STIMATE: variants seen among roughly 807,000 people sequenced by gnomAD.
The protein encoded by STIMATE is STIM activating enhancer.
Under a neutral mutation model 36.7 loss-of-function variants are expected in STIMATE, and 15 were observed. The ratio of observed to expected loss-of-function variants is 0.41; its 90% CI spans 0.27 to 0.63. The LOEUF (loss-of-function observed/expected upper bound fraction) is 0.63, where lower values mean the gene tolerates loss of function less well. Among genes scored for constraint, STIMATE ranks in the 20% least tolerant of loss-of-function variants. The probability of loss-of-function intolerance (pLI) is 0.32; values close to 1 mark genes in which losing one functional copy is unlikely to be tolerated. For missense variants in STIMATE, 305 were observed against 397.3 expected (o/e 0.77, Z 1.98); for synonymous variants, 163 against 162.3 (o/e 1.00, Z -0.03).
Position 52,897,462 on chromosome 3 carries a change from C to T in STIMATE, c.-12G>A, listed in dbSNP as rs1470847744. ...GCGGGGCCCTGCATGACAGGCCTCG[C>T]GGGAGGGGCGCGAGGGCCCAGGGCC... On this transcript the variant is annotated 5_prime_UTR_variant, in exon 1 of 8. Coordinates refer to ENST00000355083, the MANE Select transcript of STIMATE (RefSeq NM_198563.5). 6.2e-6 allele frequency: 8 copies of T among 1,299,676 alleles called. No individual in the cohort carries two copies. Among genetic ancestry groups the T allele is most frequent in the Non-Finnish European group, 6.8e-6 (7 of 1,027,280 alleles). The allele number at this position is 1,299,676 out of a possible 1,614,324, so 80.5% of individuals were successfully genotyped here. A position where few individuals can be genotyped will look rare whatever the true frequency, so the allele number is the denominator to read the frequency against.
chr3:52,887,488 C>T (rs1045127535), intron 1 of STIMATE, among the ~76,000 whole-genome samples: 5 of 152,224 alleles, frequency 3.3e-5, no homozygotes, highest in African/African-American at 1.2e-4. Flanking sequence ...AGGAGCCTGG[C>T]TGTCCTGCAA....
chr3:52,894,550 A>G (rs1701833377), intron 1 of STIMATE, among the ~76,000 whole-genome samples: 1 of 152,248 alleles, frequency 6.6e-6, no homozygotes, highest in South Asian at 2.1e-4. Context: ...TCCAGATTAA[A>G]AACAAAGAAA....
At chr3:52,878,534 G>A (rs1366118874) in intron 1 of STIMATE, among the ~76,000 whole-genome samples, 1 of 152,198 alleles carries the variant, frequency 6.6e-6, no homozygotes, top group African/African-American at 2.4e-5. Context: ...CTATGGTCCT[G>A]GATGTATTAG....
rs74887681 is a variant in STIMATE at position 52,856,180 on chromosome 3, C to T, written c.161-736G>A. On this transcript the variant is annotated intron_variant, in intron 1 of 7. Coordinates refer to ENST00000355083, the MANE Select transcript of STIMATE (RefSeq NM_198563.5). ...ACAAAGCATGGCAGAGTGTGTCTGG[C>T]CTCATTTAATTTGGCTTTAACACAA... 6.4e-3 allele frequency among the ~76,000 whole-genome samples: 971 copies of T among 152,246 alleles called. 12 individuals carry two copies. Among genetic ancestry groups the T allele is most frequent in the African/African-American group, 0.022 (916 of 41,506 alleles).
intron 1 of STIMATE, among the ~76,000 whole-genome samples, chr3:52,889,088 T>C (rs1701739497): frequency 6.6e-6 from 1 of 152,102 alleles, no homozygotes; most frequent in South Asian, 2.1e-4. Context: ...GAGGGCACAC[T>C]AAACAAGATG....
intron 3 of STIMATE, among the ~76,000 whole-genome samples, chr3:52,850,203 C>T (rs1231957444): frequency 2.6e-5 from 4 of 152,236 alleles, no homozygotes; most frequent in East Asian, 1.9e-4. Context: ...GAGGCCGAGG[C>T]GGGTGGATCA....
chr3:52,845,758 C>T (rs1023736871), intron 4 of STIMATE, among the ~76,000 whole-genome samples: 1 of 152,106 alleles, frequency 6.6e-6, no homozygotes, highest in Non-Finnish European at 1.5e-5. Flanking sequence ...AGGGAATGAT[C>T]CTGTGATATG....
rs1701520474 is a variant in STIMATE, at chr3:52,877,511, G to A, written c.160+19780C>T. 3.3e-5 allele frequency among the ~76,000 whole-genome samples: 5 copies of A among 152,232 alleles called. No homozygotes were observed. In the South Asian group the frequency reaches 1.0e-3, roughly 31 times the overall value. On this transcript the variant is annotated intron_variant, in intron 1 of 7. Transcript: ENST00000355083. ...TTGGAGGGGAAAGGGCAGAGGCCTAGGACAGAGGAATTCTGGGTTCTAGTC... is the reference window on the plus strand; with the variant it reads ...TTGGAGGGGAAAGGGCAGAGGCCTAAGACAGAGGAATTCTGGGTTCTAGTC...
At chr3:52,896,118 G>A (rs1701861005) in intron 1 of STIMATE, among the ~76,000 whole-genome samples, 1 of 152,138 alleles carries the variant, frequency 6.6e-6, no homozygotes, top group Admixed American at 6.5e-5. Flanking sequence ...CCTCTTCAGG[G>A]TTACTTAAAG....
At chr3:52,844,339 G>A (rs1700857567) in intron 5 of STIMATE, among the ~76,000 whole-genome samples, 2 of 152,214 alleles carry the variant, frequency 1.3e-5, no homozygotes, top group African/African-American at 4.8e-5. Context: ...TGGGCATTCG[G>A]GGATGAGGAG....
chr3:52,847,616 T>C, intron 4 of STIMATE: 1 of 1,037,472 alleles, frequency 9.6e-7, no homozygotes, highest in Non-Finnish European at 1.2e-6. Flanking sequence ...AGAAGAGAGC[T>C]GTGGTACCTC....
At chr3:52,859,327 T>C (rs6765170) in intron 1 of STIMATE, among the ~76,000 whole-genome samples, 3,258 of 150,238 alleles carry the variant, frequency 0.022, 47 homozygotes, top group Middle Eastern at 0.034. Context: ...ACATTTATGC[T>C]GGTATTATGT....
At chr3:52,858,727 G>A (rs1402510895) in intron 1 of STIMATE, among the ~76,000 whole-genome samples, 1 of 152,190 alleles carries the variant, frequency 6.6e-6, no homozygotes, top group African/African-American at 2.4e-5. Flanking sequence ...TGCTATACAA[G>A]TATTATTGCA....
At chr3:52,853,625 T>C (rs1701046837) in intron 2 of STIMATE, among the ~76,000 whole-genome samples, 1 of 139,696 alleles carries the variant, frequency 7.2e-6, no homozygotes, top group Non-Finnish European at 1.6e-5. Context: ...ACAACGTATG[T>C]AAGACTCAAG....
In STIMATE at chr3:52,896,004, T is replaced by C. The variant is rs971024258; in HGVS notation, c.160+1287A>G. The C allele has an allele frequency of 9.6e-6, 12 of 1,250,474 alleles. No homozygotes were observed. The African/African-American group carries it at 1.8e-4, about 19-fold the overall frequency. 77.5% of individuals were successfully genotyped at this position (1,250,474 alleles called of 1,614,324 possible). ...TTTAGCAGAGAAAAAGCAAGGCAAG[T>C]TGGGACTAAAAAGGAAAGAAAAAGT... is the stretch of plus-strand genomic sequence containing the variant. On this transcript the variant is annotated intron_variant, in intron 1 of 7. Coordinates refer to ENST00000355083, the MANE Select transcript of STIMATE (RefSeq NM_198563.5).
intron 4 of STIMATE, among the ~76,000 whole-genome samples, chr3:52,845,189 A>G (rs535736441): frequency 4.6e-5 from 7 of 152,262 alleles, no homozygotes; most frequent in Non-Finnish European, 1.0e-4. Flanking sequence ...ATTCTAAGAT[A>G]GGATTAAAAA....
At chr3:52,893,999 G>C (rs1701825094) in intron 1 of STIMATE, among the ~76,000 whole-genome samples, 1 of 152,112 alleles carries the variant, frequency 6.6e-6, no homozygotes, top group African/African-American at 2.4e-5. Context: ...CTGAGCTCTA[G>C]GACTGCTTAG....
chr3:52,878,862 G>C (rs1421831372), intron 1 of STIMATE, among the ~76,000 whole-genome samples: 1 of 152,290 alleles, frequency 6.6e-6, no homozygotes, highest in East Asian at 1.9e-4. Flanking sequence ...ACTGCCTTCA[G>C]GAGTGGGTGG....
chr3:52,851,361 C>T (rs1270405240), intron 3 of STIMATE, among the ~76,000 whole-genome samples: 3 of 152,248 alleles, frequency 2.0e-5, no homozygotes, highest in Admixed American at 1.3e-4. Flanking sequence ...CAGGACACCA[C>T]ACACTCCAGG....
Sources: allele counts gnomAD v4.1 joint callset (sites outside exome capture counted in the v4.1 genomes callset), GRCh38; gene constraint gnomAD v4.1.1; transcripts MANE v1.5; gene names NCBI Gene and HGNC (gene_info 2026-07-23, HGNC 2026-07-21).